RAPH1: variants seen among roughly 807,000 people sequenced by gnomAD.
RAPH1 encodes the protein ras-associated and pleckstrin homology domains-containing protein 1.
A neutral mutation model predicts 88.1 loss-of-function variants in RAPH1; 18 were observed. The ratio of observed to expected loss-of-function variants is 0.20; its 90% CI spans 0.14 to 0.30. The LOEUF (loss-of-function observed/expected upper bound fraction) is 0.30. Ranked by LOEUF, RAPH1 falls within the 10% of genes least tolerant of loss-of-function variation. RAPH1 has a pLI of 1.00. For missense variants in RAPH1, 1,448 were observed against 1,543.2 expected, an observed-to-expected ratio of 0.94 and a Z score of 1.03; for synonymous variants, 587 against 559.0, an observed-to-expected ratio of 1.05 and a Z score of -0.71.
Position 203,470,050 on chromosome 2 carries a change from T to C in RAPH1, c.733-8125A>G, listed in dbSNP as rs986379631. 5.0e-4 allele frequency among the ~76,000 whole-genome samples: 76 copies of C among 152,344 alleles called. 2 individuals carry two copies. Among genetic ancestry groups the C allele is most frequent in the East Asian group, 1.9e-4 (1 of 5,194 alleles). On this transcript the variant is annotated intron_variant, in intron 4 of 13. Coordinates refer to ENST00000319170, the MANE Select transcript of RAPH1 (RefSeq NM_213589.3). The stretch of plus-strand genomic sequence containing the variant: ...AAACTAATGAAAATTACTGAAAATA[T>C]TTTGTACTCTCAATATTGCCTGACA...
At chr2:203,506,836 ATCTATATATCTATC>A (rs1437227399) in intron 1 of RAPH1, among the ~76,000 whole-genome samples, 1 of 84,932 alleles carries the variant, frequency 1.2e-5, no homozygotes, top group Non-Finnish European at 2.0e-5. Context: ...ATATATCTAT[ATCTATATATCTATC>A]TATATCTATA....
rs2098501768 is a variant in RAPH1, at chr2:203,439,936, G to A, written c.3254C>T (p.Pro1085Leu). 6.2e-7 allele frequency: 1 copy of A among 1,613,866 alleles called. No individual in the cohort carries two copies. Among genetic ancestry groups the A allele is most frequent in the Non-Finnish European group, 8.5e-7 (1 of 1,180,014 alleles). ...GAAAACTGCTGGAATCTCAATGGGG[G>A]GCAGAGGAAGCTCTGTTTCAGGTGG... ...PPPPETELPL[P>L]PIEIPAVFSG... The change falls in exon 14 of 14, where the codon CCC becomes CTC. Residue 1085 changes from proline (P) to leucine (L), a missense_variant. Physicochemically the swap from Pro to Leu is moderately conservative, Grantham distance 98 (BLOSUM62 -3). Around this residue, in one of 2 missense-constraint regions of RAPH1, gnomAD observed 935 missense variants for 890.1 expected, o/e 1.05. Transcript: ENST00000319170.
intron 1 of RAPH1, among the ~76,000 whole-genome samples, chr2:203,521,818 C>T (rs1689887411): frequency 6.6e-6 from 1 of 152,054 alleles, no homozygotes; most frequent in Non-Finnish European, 1.5e-5. Context: ...CAACAATGAA[C>T]TATAAAATGT....
intron 12 of RAPH1, 124 bp downstream of exon 12, chr2:203,447,835 A>T: frequency 1.1e-6 from 1 of 933,194 alleles, no homozygotes; most frequent in Non-Finnish European, 1.6e-6. Flanking sequence ...TATTGATTAT[A>T]ATTTAGGAAT....
At chr2:203,494,824 GAAAA>G (rs1297398356) in intron 2 of RAPH1, among the ~76,000 whole-genome samples, 69 of 130,442 alleles carry the variant, frequency 5.3e-4, no homozygotes, top group African/African-American at 1.9e-3. Flanking sequence ...AAAAAAAAAA[GAAAA>G]AAAAAAAGAA....
chr2:203,534,606 T>C (rs550294196), intron 1 of RAPH1, among the ~76,000 whole-genome samples: 1 of 140,666 alleles, frequency 7.1e-6, no homozygotes, highest in South Asian at 2.3e-4. Flanking sequence ...ATGAAGCAAT[T>C]ACTTATCCTG....
chr2:203,438,349 G>A lies in RAPH1; in HGVS notation c.*1088C>T, dbSNP rs987672438. Reference sequence around the variant, plus strand: ...TCACCCTTCCCTTCTATAGAGCAATGCTCAAAAAATGCATTTTAGAAAATG... The same window carrying A: ...TCACCCTTCCCTTCTATAGAGCAATACTCAAAAAATGCATTTTAGAAAATG... On this transcript the variant is annotated 3_prime_UTR_variant, in exon 14 of 14. Transcript: ENST00000319170. 2.1e-5 allele frequency: 7 copies of A among 332,334 alleles called. No individual in the cohort carries two copies. Among genetic ancestry groups the A allele is most frequent in the Non-Finnish European group, 4.2e-5 (7 of 167,718 alleles). The allele number at this position is 332,334 out of a possible 1,614,324, so 20.6% of individuals were successfully genotyped here. A position where few individuals can be genotyped will look rare whatever the true frequency, so the allele number is the denominator to read the frequency against.
intron 1 of RAPH1, among the ~76,000 whole-genome samples, chr2:203,523,052 G>T (rs1039260650): frequency 6.6e-6 from 1 of 152,044 alleles, no homozygotes; most frequent in Non-Finnish European, 1.5e-5. Flanking sequence ...TAACAGAATG[G>T]AAAGTCCAGG....
At chr2:203,461,008 C>T (rs1005490537) in intron 6 of RAPH1, among the ~76,000 whole-genome samples, 1 of 151,898 alleles carries the variant, frequency 6.6e-6, no homozygotes, top group Non-Finnish European at 1.5e-5. Context: ...CCCAGCTACT[C>T]AGGAGGCTGA....
Position 203,439,843 on chromosome 2 carries a change from A to G in RAPH1, c.3347T>C (p.Val1116Ala), listed in dbSNP as rs1244522969. Residue 1116 changes from valine (V) to alanine (A), a missense_variant, in exon 14 of 14, where the codon GTG (valine) becomes GCG (alanine). Val to Ala is a moderately conservative substitution (Grantham distance 64). Transcript: ENST00000319170. ...PQPQQWSKMS[V>A]KKAPPPTRPK... ...TCGTGTGGGTGGAGGGGCCTTCTTC[A>G]CTGACATTTTAGACCATTGTTGTGG... is the stretch of plus-strand genomic sequence containing the variant. The G allele has an allele frequency of 6.2e-7, 1 of 1,613,862 alleles. No homozygotes were observed. The highest frequency in any genetic ancestry group is 1.7e-5 in the Admixed American group (1 of 59,996).
At chr2:203,457,911 T>A (rs1405499343) in intron 7 of RAPH1, among the ~76,000 whole-genome samples, 1 of 152,216 alleles carries the variant, frequency 6.6e-6, no homozygotes, top group African/African-American at 2.4e-5. Flanking sequence ...AAAGCTACGT[T>A]AGAGGATCTG....
At chr2:203,500,914 A>T (rs1027619457) in intron 1 of RAPH1, among the ~76,000 whole-genome samples, 3 of 152,208 alleles carry the variant, frequency 2.0e-5, no homozygotes, top group Admixed American at 6.5e-5. Flanking sequence ...TTACAGATAA[A>T]TTTTAGTTCT....
chr2:203,464,455 G>T (rs994435824), intron 4 of RAPH1, among the ~76,000 whole-genome samples: 2 of 152,200 alleles, frequency 1.3e-5, no homozygotes, highest in East Asian at 3.8e-4. Flanking sequence ...ATTTTTAGAA[G>T]AGACAGGGTT....
intron 3 of RAPH1, 120 bp from the exon 4 acceptor site, chr2:203,490,209 G>T: frequency 9.9e-7 from 1 of 1,005,712 alleles, no homozygotes; most frequent in South Asian, 2.0e-5. Context: ...ATAAAATTAA[G>T]TATTTCTGGT....
intron 1 of RAPH1, among the ~76,000 whole-genome samples, chr2:203,515,817 A>G (rs991453499): frequency 2.0e-5 from 3 of 152,264 alleles, no homozygotes; most frequent in Admixed American, 2.0e-4. Context: ...ACTTTCTCAG[A>G]CAAACAATAG....
At chr2:203,475,100 G>A (rs1334334629) in intron 4 of RAPH1, among the ~76,000 whole-genome samples, 2 of 151,962 alleles carry the variant, frequency 1.3e-5, no homozygotes, top group Non-Finnish European at 2.9e-5. Context: ...AACAGAGCAA[G>A]ACTGCATCTT....
intron 1 of RAPH1, among the ~76,000 whole-genome samples, chr2:203,509,275 G>C (rs1322982692): frequency 1.3e-5 from 2 of 151,676 alleles, no homozygotes; most frequent in Non-Finnish European, 1.5e-5. Context: ...TTGCCATGTT[G>C]TTCTCAAACC....
At chr2:203,457,677 G>T in intron 7 of RAPH1, 82 bp from the exon 8 acceptor site, 1 of 991,638 alleles carries the variant, frequency 1.0e-6, no homozygotes, top group Non-Finnish European at 1.6e-6. Flanking sequence ...TTATTCCCTT[G>T]GCACAGGTGT....
rs1409553013 is a variant in RAPH1, at chr2:203,448,724, A to G, written c.1512+14T>C. On this transcript the variant is annotated intron_variant, in intron 11 of 13. Transcript: ENST00000319170. The surrounding 1 kb of genome is among the most constrained non-coding windows in gnomAD (Gnocchi z 4.1). ...CACCTCATTATTCCATCATCAAATC[A>G]AAAGGAGACATGCCTTTGCAATGCG... 6.5e-7 allele frequency: 1 copy of G among 1,546,666 alleles called. No individual in the cohort carries two copies. Among genetic ancestry groups the G allele is most frequent in the East Asian group, 2.3e-5 (1 of 43,478 alleles).
Sources: gnomAD v4.1 joint callset for allele counts (sites outside exome capture counted in the v4.1 genomes callset) on GRCh38, gnomAD v4.1.1 for gene constraint, gnomAD v4.1.1 regional missense constraint, Gnocchi (gnomAD v3.1) non-coding constraint, MANE v1.5 for transcripts, NCBI Gene and HGNC (gene_info 2026-07-23, HGNC 2026-07-21) for gene names.